KIAA0825: variants seen among roughly 807,000 people sequenced by gnomAD.
KIAA0825 encodes the protein KIAA0825.
A neutral mutation model predicts 147.6 loss-of-function variants in KIAA0825; 119 were observed. The observed-to-expected ratio is 0.81, with a 90% CI of 0.69 to 0.94. KIAA0825 has a LOEUF of 0.94. Among genes scored for constraint, KIAA0825 ranks in the 40% least tolerant of loss-of-function variants. KIAA0825 has a pLI of 0.00. For synonymous variants in KIAA0825, 470 were observed against 518.1 expected (o/e 0.91, Z 1.26); for missense variants, 1,381 against 1,472.7 (o/e 0.94, Z 1.02).
chr5:94,240,502 A>C (rs1224920220), intron 20 of KIAA0825, among the ~76,000 whole-genome samples: 2 of 152,310 alleles, frequency 1.3e-5, no homozygotes, highest in Non-Finnish European at 1.5e-5. Flanking sequence ...GTGTAAATAG[A>C]GACACAAATT....
In KIAA0825 at chr5:94,454,996, T is replaced by C. The variant is rs546468916; in HGVS notation, c.2247-1927A>G. On this transcript the variant is annotated intron_variant, in intron 12 of 20. Transcript: ENST00000682413. ...GGGAAACGAAGAAGCTTAGGATACA[T>C]TGCAAGTATTTTTCTTAGTTTTAGG... 5.3e-5 allele frequency among the ~76,000 whole-genome samples: 8 copies of C among 152,198 alleles called. No individual in the cohort carries two copies. In the South Asian group the frequency reaches 1.2e-3, roughly 24 times the overall value.
intron 17 of KIAA0825, among the ~76,000 whole-genome samples, chr5:94,392,432 T>G (rs1157491616): frequency 6.6e-6 from 1 of 152,246 alleles, no homozygotes; most frequent in Admixed American, 6.5e-5. Flanking sequence ...TTGTTGATTT[T>G]GAGCATTATT....
chr5:94,363,516 C>T (rs1316229539), intron 20 of KIAA0825, among the ~76,000 whole-genome samples: 1 of 152,108 alleles, frequency 6.6e-6, no homozygotes, highest in South Asian at 2.1e-4. Flanking sequence ...AGGTTAGCAA[C>T]TTTTACTTTA....
At chr5:94,583,517 C>A (rs1445405223) in intron 1 of KIAA0825, among the ~76,000 whole-genome samples, 1 of 152,152 alleles carries the variant, frequency 6.6e-6, no homozygotes, top group African/African-American at 2.4e-5. Context: ...AACAAAGTGG[C>A]CCAGAAGCTC....
intron 20 of KIAA0825, among the ~76,000 whole-genome samples, chr5:94,355,027 G>A (rs1784096566): frequency 1.3e-5 from 2 of 152,176 alleles, no homozygotes; most frequent in Non-Finnish European, 1.5e-5. Flanking sequence ...TCGAAGGGGG[G>A]CATGGAGGCA....
chr5:94,276,932 C>T (rs1377792694), intron 20 of KIAA0825, among the ~76,000 whole-genome samples: 2 of 152,068 alleles, frequency 1.3e-5, no homozygotes, highest in African/African-American at 4.8e-5. Context: ...CGCCTCTTTA[C>T]TCACTCTGTT....
intron 5 of KIAA0825, among the ~76,000 whole-genome samples, chr5:94,498,920 A>G (rs1310888559): frequency 1.3e-5 from 2 of 152,160 alleles, no homozygotes; most frequent in African/African-American, 4.8e-5. Context: ...TGAATTCCTA[A>G]TGTGTTTAAA....
chr5:94,277,429 C>G (rs959864913), intron 20 of KIAA0825, among the ~76,000 whole-genome samples: 1 of 152,010 alleles, frequency 6.6e-6, no homozygotes, highest in East Asian at 1.9e-4. Context: ...ACAAACAACC[C>G]TATCAAAAAG....
chr5:94,504,746 C>CTTT (rs564291886), intron 5 of KIAA0825, among the ~76,000 whole-genome samples: 5 of 122,980 alleles, frequency 4.1e-5, no homozygotes, highest in Non-Finnish European at 6.9e-5. Context: ...TTTTTCTTTT[C>CTTT]TTTTTTTTTT....
chr5:94,234,459 T>C (rs1295322898), intron 20 of KIAA0825, among the ~76,000 whole-genome samples: 1 of 152,184 alleles, frequency 6.6e-6, no homozygotes, highest in African/African-American at 2.4e-5. Flanking sequence ...TTGGTGTTTG[T>C]ATTGGGCCAT....
At chr5:94,383,057 C>CA (rs1748632358) in intron 20 of KIAA0825, among the ~76,000 whole-genome samples, 1 of 152,146 alleles carries the variant, frequency 6.6e-6, no homozygotes, top group Non-Finnish European at 1.5e-5. Flanking sequence ...AGGCCCTGGC[C>CA]TCTCCTCCAC....
At chr5:94,168,010 G>A (rs567368259) in intron 20 of KIAA0825, among the ~76,000 whole-genome samples, 28 of 149,256 alleles carry the variant, frequency 1.9e-4, no homozygotes, top group African/African-American at 5.1e-4. Context: ...TAGAACCCCC[G>A]AAACCCAATT....
chr5:94,563,204 A>C (rs1777888995), intron 2 of KIAA0825, among the ~76,000 whole-genome samples: 3 of 151,734 alleles, frequency 2.0e-5, no homozygotes, highest in South Asian at 4.2e-4. Flanking sequence ...ACAAAAAAAA[A>C]AAAATCAGCT....
At chr5:94,595,007 A>G (rs965937593) in intron 1 of KIAA0825, among the ~76,000 whole-genome samples, 9 of 152,108 alleles carry the variant, frequency 5.9e-5, no homozygotes, top group Non-Finnish European at 8.8e-5. Context: ...TTCAGGGTAT[A>G]GTCCCCCTCC....
chr5:94,378,852 T>C (rs1489557890), intron 20 of KIAA0825, among the ~76,000 whole-genome samples: 1 of 152,178 alleles, frequency 6.6e-6, no homozygotes, highest in Admixed American at 6.6e-5. Context: ...TCTCTAATAT[T>C]TAGTGATATT....
intron 14 of KIAA0825, 47 bp downstream of exon 14, chr5:94,439,935 C>G: frequency 6.6e-7 from 1 of 1,518,180 alleles, no homozygotes; most frequent in Non-Finnish European, 8.9e-7. Context: ...TCAACTCGAG[C>G]AATGACTAGG....
At chr5:94,167,355 A>G (rs1212822068) in intron 20 of KIAA0825, among the ~76,000 whole-genome samples, 1 of 152,146 alleles carries the variant, frequency 6.6e-6, no homozygotes, top group Non-Finnish European at 1.5e-5. Context: ...AAATTTCTGT[A>G]TAGGTTGTAA....
chr5:94,456,246 G>C (rs955112603), intron 12 of KIAA0825, among the ~76,000 whole-genome samples: 2 of 152,092 alleles, frequency 1.3e-5, no homozygotes, highest in Non-Finnish European at 2.9e-5. Flanking sequence ...TATTTGTCTA[G>C]TTATCTGAGG....
chr5:94,236,967 T>C (rs1227524650), intron 20 of KIAA0825, among the ~76,000 whole-genome samples: 1 of 152,194 alleles, frequency 6.6e-6, no homozygotes, highest in Non-Finnish European at 1.5e-5. Flanking sequence ...TGACTCAGTT[T>C]ATTGAAATAT....
Sources: allele counts gnomAD v4.1 joint callset (sites outside exome capture counted in the v4.1 genomes callset), GRCh38; gene constraint gnomAD v4.1.1; transcripts MANE v1.5; gene names NCBI Gene and HGNC (gene_info 2026-07-23, HGNC 2026-07-21).